The following OSBPL9 variants were observed in gnomAD, a reference collection of about 807,000 sequenced individuals.
The protein encoded by OSBPL9 is oxysterol binding protein like 9, also known as oxysterol-binding protein-related protein 9.
Under a neutral mutation model 106.6 loss-of-function variants are expected in OSBPL9, and 40 were observed. The observed-to-expected ratio is 0.38, with a 90% CI of 0.29 to 0.49. The LOEUF is 0.49. Ranked by LOEUF, OSBPL9 falls within the 20% of genes least tolerant of loss-of-function variation. The pLI is 0.97. For missense variants in OSBPL9, 609 were observed against 887.2 expected, an observed-to-expected ratio of 0.69 and a Z score of 3.98; for synonymous variants, 269 against 295.4, an observed-to-expected ratio of 0.91 and a Z score of 0.92.
chr1:51,676,384 C>T (rs1651205388), intron 3 of OSBPL9, among the ~76,000 whole-genome samples: 1 of 151,348 alleles, frequency 6.6e-6, no homozygotes, highest in Admixed American at 6.6e-5. Context: ...GAGCCGAGAT[C>T]CCACCATTGC....
intron 2 of OSBPL9, among the ~76,000 whole-genome samples, chr1:51,668,303 T>G (rs1320650748): frequency 1.3e-5 from 2 of 152,190 alleles, no homozygotes; most frequent in South Asian, 4.1e-4. Context: ...TCCTGTTGTC[T>G]TCACAGAATG....
In OSBPL9 at chr1:51,617,231, T is replaced by G. The variant is rs749537207; in HGVS notation, c.111+10T>G. On this transcript the variant is annotated intron_variant, in intron 1 of 23. Coordinates refer to ENST00000428468, the MANE Select transcript of OSBPL9 (RefSeq NM_024586.6). Reference sequence around the variant, plus strand: ...GCTCTCCTACTACACGGTGAGTCCTTGGAGGGCACAGCTCCAGGCGCCTCG... The same window carrying G: ...GCTCTCCTACTACACGGTGAGTCCTGGGAGGGCACAGCTCCAGGCGCCTCG... 2 of 1,604,530 alleles carry G rather than the reference T, an allele frequency of 1.2e-6. No homozygotes were observed. The highest frequency in any genetic ancestry group is 1.7e-6 in the Non-Finnish European group (2 of 1,174,908).
chr1:51,608,316 G>A (rs771623887), intron 2 of OSBPL9, among the ~76,000 whole-genome samples: 6 of 151,818 alleles, frequency 4.0e-5, no homozygotes, highest in Non-Finnish European at 7.4e-5. Flanking sequence ...TTTTTGAGAC[G>A]GAGTCTCACT....
intron 1 of OSBPL9, among the ~76,000 whole-genome samples, chr1:51,578,499 A>C (rs747882716): frequency 6.6e-6 from 1 of 152,202 alleles, no homozygotes; most frequent in Non-Finnish European, 1.5e-5. Flanking sequence ...TGAAAGGCTC[A>C]AGCCAGAATG....
At chr1:51,591,451 T>C (rs1402970340) in intron 1 of OSBPL9, among the ~76,000 whole-genome samples, 1 of 152,190 alleles carries the variant, frequency 6.6e-6, no homozygotes, top group Middle Eastern at 3.2e-3. Context: ...GGAAATAGAA[T>C]AAGTCTGGAG....
chr1:51,764,301 T>C (rs964630612), intron 11 of OSBPL9, among the ~76,000 whole-genome samples: 1 of 152,210 alleles, frequency 6.6e-6, no homozygotes, highest in African/African-American at 2.4e-5. Context: ...TTTGCAATTC[T>C]TGATCAATTT....
chr1:51,664,520 T>A (rs1488373548), intron 2 of OSBPL9, among the ~76,000 whole-genome samples: 1 of 151,964 alleles, frequency 6.6e-6, no homozygotes, highest in Non-Finnish European at 1.5e-5. Flanking sequence ...GTGAACCCTG[T>A]CTCTACAAAA....
chr1:51,688,349 G>T (rs1654264656), intron 3 of OSBPL9, among the ~76,000 whole-genome samples: 1 of 152,070 alleles, frequency 6.6e-6, no homozygotes, highest in Admixed American at 6.6e-5. Flanking sequence ...AGAATTTCTT[G>T]GGCCAGGCAT....
intron 1 of OSBPL9, among the ~76,000 whole-genome samples, chr1:51,628,930 G>A (rs1198980938): frequency 3.3e-5 from 5 of 151,818 alleles, no homozygotes; most frequent in Non-Finnish European, 5.9e-5. Context: ...CACCCTCCTC[G>A]GCCTCCCAAA....
intron 3 of OSBPL9, among the ~76,000 whole-genome samples, chr1:51,676,520 T>C (rs1229055089): frequency 6.7e-6 from 1 of 149,444 alleles, no homozygotes; most frequent in Non-Finnish European, 1.5e-5. Context: ...TAGCCGGGAG[T>C]GGTGGTGATG....
At position 51,789,077 on chromosome 1, in the gene OSBPL9, T is replaced by TATTA. The variant is rs553061056; in HGVS notation, c.*1289_*1292dup. On this transcript the variant is annotated 3_prime_UTR_variant, in exon 24 of 24. Coordinates refer to ENST00000428468, the MANE Select transcript of OSBPL9 (RefSeq NM_024586.6). ...CCAGCTCCTACAGTAACCCTGGGTTTATTAGTCTCAACAAAGGATAAAAAG... is the reference window on the plus strand; with the variant it reads ...CCAGCTCCTACAGTAACCCTGGGTTTATTAATTAGTCTCAACAAAGGATAAAAAG... The TATTA allele has an allele frequency of 5.0e-5, 36 of 726,994 alleles. No homozygotes were observed. Among genetic ancestry groups the TATTA allele is most frequent in the African/African-American group, 3.5e-4 (20 of 56,694 alleles). The allele number at this position is 726,994 out of a possible 1,614,324, so 45.0% of individuals were successfully genotyped here.
At chr1:51,533,038 A>G in the OSBPL9 span, among the ~76,000 whole-genome samples, 1 of 152,150 alleles carries the variant, frequency 6.6e-6, no homozygotes, top group Non-Finnish European at 1.5e-5. Context: ...AATAATTGGT[A>G]ATTATTAATT....
intron 1 of OSBPL9, among the ~76,000 whole-genome samples, chr1:51,595,086 C>G (rs1645293264): frequency 6.6e-6 from 1 of 152,206 alleles, no homozygotes; most frequent in Admixed American, 6.5e-5. Context: ...CATCCCCACA[C>G]CTGGCTGCCC....
chr1:51,555,017 G>C, the OSBPL9 span, among the ~76,000 whole-genome samples: 1 of 152,164 alleles, frequency 6.6e-6, no homozygotes, highest in Non-Finnish European at 1.5e-5. Flanking sequence ...TAGCTGATCT[G>C]CTCTAGAACA....
exon 2 of OSBPL9, chr1:51,598,147 T>C (rs1301990745): frequency 6.6e-6 from 1 of 152,238 alleles, no homozygotes; most frequent in Admixed American, 6.5e-5. Flanking sequence ...GTCTCTAAGA[T>C]GGAGGATATA....
At chr1:51,556,099 G>A in the OSBPL9 span, among the ~76,000 whole-genome samples, 1 of 148,756 alleles carries the variant, frequency 6.7e-6, no homozygotes, top group East Asian at 2.0e-4. Flanking sequence ...CTCAATCCCT[G>A]TAAGCCTAGT....
the OSBPL9 span, among the ~76,000 whole-genome samples, chr1:51,558,006 A>T: frequency 1.0e-4 from 15 of 148,600 alleles, no homozygotes; most frequent in South Asian, 8.4e-4. Flanking sequence ...AATCTAATTT[A>T]AAAAAAAATC....
rs535288526 is a variant in OSBPL9 at position 51,663,019 on chromosome 1, C to T, written c.163-6415C>T. 3.9e-5 allele frequency among the ~76,000 whole-genome samples: 6 copies of T among 152,242 alleles called. No individual in the cohort carries two copies. In the South Asian group the frequency reaches 1.0e-3, roughly 26 times the overall value. ...TTGGCCTCCCAAAGTACTGGGATTA[C>T]AGGCATGAGCCACCGCACCTGGCCA... On this transcript the variant is annotated intron_variant, in intron 2 of 23. Transcript: ENST00000428468.
At chr1:51,758,618 G>C (rs528690231) in intron 9 of OSBPL9, among the ~76,000 whole-genome samples, 1 of 152,124 alleles carries the variant, frequency 6.6e-6, no homozygotes, top group Admixed American at 6.5e-5. Context: ...TGTTTTCTTT[G>C]GTTGACCAGC....
Sources: gnomAD v4.1 joint callset for allele counts (sites outside exome capture counted in the v4.1 genomes callset) on GRCh38, gnomAD v4.1.1 for gene constraint, MANE v1.5 for transcripts, NCBI Gene and HGNC (gene_info 2026-07-23, HGNC 2026-07-21) for gene names.